Variants in B4GALNT2 observed in about 807,000 individuals in gnomAD.
B4GALNT2 encodes the protein N-acetylneuraminylgalactosylglucosyl-glucoside beta-1,4-N- acetylgalactosaminyltransferase 2.
A neutral mutation model predicts 51.1 loss-of-function variants in B4GALNT2; 42 were observed. That is an observed-to-expected ratio of 0.82 (90% CI 0.64 to 1.06). B4GALNT2 has a LOEUF of 1.06. Ranked by LOEUF, B4GALNT2 falls within the 50% of genes least tolerant of loss-of-function variation. The pLI is 0.00. For synonymous variants in B4GALNT2, 253 were observed against 251.7 expected (o/e 1.01, Z -0.05); for missense variants, 602 against 633.6 (o/e 0.95, Z 0.54).
intron 9 of B4GALNT2, among the ~76,000 whole-genome samples, chr17:49,166,898 G>C (rs546059056): frequency 6.6e-6 from 1 of 152,282 alleles, no homozygotes; most frequent in East Asian, 1.9e-4. Flanking sequence ...GAGCCCAGGA[G>C]GTCAAGGATG....
At chr17:49,156,247 C>T (rs942562429) in intron 4 of B4GALNT2, among the ~76,000 whole-genome samples, 4 of 152,114 alleles carry the variant, frequency 2.6e-5, no homozygotes, top group African/African-American at 9.7e-5. Flanking sequence ...GTGCCTTATA[C>T]AAGATGATTC....
chr17:49,164,219 A>C lies in B4GALNT2; in HGVS notation c.898A>C (p.Lys300Gln). The stretch of plus-strand genomic sequence containing the variant: ...CGTAATAGTGGCTGATGACAGCCAG[A>C]AGCCCCTGGAAATTAAAGACAATCA... ...LTVIVADDSQKPLEIKDNHVE... is the reference protein window; with the variant it reads ...LTVIVADDSQQPLEIKDNHVE... Residue 300 changes from lysine to glutamine, a missense_variant, in exon 8 of 11, where the codon AAG becomes CAG. Lys to Gln is a moderately conservative substitution (Grantham distance 53). Coordinates refer to ENST00000393354, the MANE Select transcript of B4GALNT2 (RefSeq NM_001159387.2). 2.5e-6 allele frequency: 4 copies of C among 1,613,418 alleles called. No homozygotes were observed. The highest frequency in any genetic ancestry group is 3.4e-6 in the Non-Finnish European group (4 of 1,179,342).
chr17:49,156,491 G>A, intron 4 of B4GALNT2, 75 bp from the exon 5 acceptor site: 1 of 1,511,112 alleles, frequency 6.6e-7, no homozygotes, highest in Non-Finnish European at 9.2e-7. Flanking sequence ...AGGAGTCCAT[G>A]AGGTTGGCGA....
At chr17:49,148,780 G>T in intron 3 of B4GALNT2, 1 of 458,208 alleles carries the variant, frequency 2.2e-6, no homozygotes, top group East Asian at 3.8e-5. Context: ...TCATAGGGCT[G>T]GGTGCGGTAG....
chr17:49,166,497 T>C (rs1260145312), intron 9 of B4GALNT2, among the ~76,000 whole-genome samples: 1 of 152,164 alleles, frequency 6.6e-6, no homozygotes, highest in Non-Finnish European at 1.5e-5. Flanking sequence ...TTTGCAATTG[T>C]TTTCTTTTAA....
chr17:49,141,039 A>C (rs1292082416), intron 1 of B4GALNT2, among the ~76,000 whole-genome samples: 1 of 144,878 alleles, frequency 6.9e-6, no homozygotes, highest in African/African-American at 2.6e-5. Context: ...TTTTTTCTGG[A>C]TTTTTTTGCC....
At chr17:49,152,743 A>G in intron 3 of B4GALNT2, 57 bp from the exon 4 acceptor site, 1 of 1,291,264 alleles carries the variant, frequency 7.7e-7, no homozygotes, top group Non-Finnish European at 1.1e-6. Flanking sequence ...CACTTTGAGA[A>G]CGAACCAGGG....
chr17:49,175,536 T>C lies in B4GALNT2; in HGVS notation c.*5808T>C, dbSNP rs1226030306. On this transcript the variant is annotated 3_prime_UTR_variant, in exon 11 of 11. Coordinates refer to ENST00000393354, the MANE Select transcript of B4GALNT2 (RefSeq NM_001159387.2). ...CCCGGCAAGCATCCACAGACCCCTA[T>C]TGGAACTTTTTGTGGGGATTCCCCA... The C allele has an allele frequency of 6.6e-6, 1 of 152,154 alleles. No homozygotes were observed. Among genetic ancestry groups the C allele is most frequent in the Admixed American group, 6.5e-5 (1 of 15,272 alleles). The allele number at this position is 152,154 out of a possible 1,614,324, so 9.4% of individuals were successfully genotyped here.
chr17:49,133,793 A>G (rs928716505), intron 1 of B4GALNT2, among the ~76,000 whole-genome samples: 2 of 152,094 alleles, frequency 1.3e-5, no homozygotes, highest in African/African-American at 2.4e-5. Context: ...AGTGCCTGTA[A>G]TCCCAGCTAC....
At chr17:49,142,371 T>C (rs895197857) in intron 3 of B4GALNT2, among the ~76,000 whole-genome samples, 199 bp downstream of exon 3, 2 of 152,106 alleles carry the variant, frequency 1.3e-5, no homozygotes, top group Non-Finnish European at 2.9e-5. Flanking sequence ...ACTTTGTATG[T>C]ACAAAACATT....
chr17:49,147,952 GT>G (rs202016522), intron 3 of B4GALNT2, among the ~76,000 whole-genome samples: 10,857 of 144,472 alleles, frequency 0.075, 481 homozygotes, highest in South Asian at 0.14. Context: ...TCTGAAATTT[GT>G]TTTTTTATTC....
intron 8 of B4GALNT2, 121 bp from the exon 9 acceptor site, chr17:49,165,993 C>A: frequency 8.4e-7 from 1 of 1,184,446 alleles, no homozygotes; most frequent in Non-Finnish European, 1.2e-6. Flanking sequence ...TCGCTCGCAC[C>A]AATTCTAATG....
At chr17:49,153,018 A>C in intron 4 of B4GALNT2, 112 bp downstream of exon 4, 2 of 927,040 alleles carry the variant, frequency 2.2e-6, no homozygotes, top group South Asian at 2.8e-5. Context: ...GCACTTTGGG[A>C]GTCCAAAGCA....
At chr17:49,148,628 T>G in intron 3 of B4GALNT2, 1 of 543,942 alleles carries the variant, frequency 1.8e-6, no homozygotes, top group Non-Finnish European at 3.5e-6. Context: ...AGGCAAACCG[T>G]TCCTGCACAA....
At chr17:49,129,625 G>A (rs1269227584), upstream of B4GALNT2, among the ~76,000 whole-genome samples, 1 of 112,356 alleles carries the variant, frequency 8.9e-6, no homozygotes, top group Non-Finnish European at 2.0e-5. Flanking sequence ...CCGATTTTTT[G>A]GTCAGAAGCA....
intron 6 of B4GALNT2, among the ~76,000 whole-genome samples, 194 bp from the exon 7 acceptor site, chr17:49,160,361 T>C (rs2042851666): frequency 6.6e-6 from 1 of 152,142 alleles, no homozygotes; most frequent in East Asian, 1.9e-4. Context: ...TTAGGAGTCA[T>C]TCAGCACGTT....
At chr17:49,128,160 A>G (rs2042519851), upstream of B4GALNT2, among the ~76,000 whole-genome samples, 1 of 152,164 alleles carries the variant, frequency 6.6e-6, no homozygotes, top group Non-Finnish European at 1.5e-5. Context: ...GGATTTTCAT[A>G]GAAAGATCCT....
intron 2 of B4GALNT2, 151 bp downstream of exon 2, chr17:49,141,598 G>C: frequency 1.2e-6 from 1 of 827,768 alleles, no homozygotes; most frequent in Non-Finnish European, 1.9e-6. Flanking sequence ...AGCCAGGATG[G>C]GGCTTGGTCT....
At chr17:49,129,113 G>GT (rs1487971818), upstream of B4GALNT2, among the ~76,000 whole-genome samples, 4 of 152,184 alleles carry the variant, frequency 2.6e-5, no homozygotes, top group African/African-American at 9.7e-5. Flanking sequence ...GATGTTGGAT[G>GT]TTCCAGCTGG....
Sources: allele counts gnomAD v4.1 joint callset (sites outside exome capture counted in the v4.1 genomes callset), GRCh38; gene constraint gnomAD v4.1.1; transcripts MANE v1.5; gene names NCBI Gene and HGNC (gene_info 2026-07-23, HGNC 2026-07-21).